The following ASXL3 variants were observed in gnomAD, a reference collection of about 807,000 sequenced individuals.
ASXL3 encodes the protein putative Polycomb group protein ASXL3.
ASXL3 carries 34 observed loss-of-function variants against 170.6 expected under a neutral mutation model. That is an observed-to-expected ratio of 0.20 (90% CI 0.15 to 0.27). The LOEUF (loss-of-function observed/expected upper bound fraction) is 0.27. ASXL3 is among the 10% of genes least tolerant of loss of function. The probability of loss-of-function intolerance (pLI) is 1.00; values close to 1 mark genes in which losing one functional copy is unlikely to be tolerated. For synonymous variants in ASXL3, 1,002 were observed against 989.1 expected (o/e 1.01, Z -0.24); for missense variants, 2,592 against 2,695.3 (o/e 0.96, Z 0.85).
At position 33,744,907 on chromosome 18, in the gene ASXL3, C is replaced by T. The variant is rs1168031356; in HGVS notation, c.5059C>T (p.Pro1687Ser). The T allele has an allele frequency of 6.2e-7, 1 of 1,613,876 alleles. No homozygotes were observed. The highest frequency in any genetic ancestry group is 8.5e-7 in the Non-Finnish European group (1 of 1,179,900). Residue 1687 changes from proline (P) to serine (S), a missense_variant, in exon 12 of 12, where the codon CCT becomes TCT. By Grantham distance (74) the Pro-to-Ser change is moderately conservative. Transcript: ENST00000269197. ...CTTTAGAATGGACACTGAAGACTTC[C>T]CTGGCCCTGAGCTGCCTCCTCCGGC... is the stretch of plus-strand genomic sequence containing the variant. ...KGFRMDTEDFPGPELPPPAAE... is the reference protein window; with the variant it reads ...KGFRMDTEDFSGPELPPPAAE...
intron 1 of ASXL3, among the ~76,000 whole-genome samples, chr18:33,586,086 A>G (rs889565099): frequency 1.2e-4 from 18 of 152,196 alleles, no homozygotes; most frequent in African/African-American, 4.3e-4. Context: ...ACTATTAACC[A>G]TAATGTATTA....
chr18:33,683,547 G>C lies in ASXL3; in HGVS notation c.858G>C (p.Leu286Phe), dbSNP rs762756308. 1 of 1,612,588 alleles carries C rather than the reference G, an allele frequency of 6.2e-7. No homozygotes were observed. The highest frequency in any genetic ancestry group is 8.5e-7 in the Non-Finnish European group (1 of 1,179,306). The change falls in exon 8 of 12, where the codon TTG becomes TTC. Residue 286 changes from leucine (L) to phenylalanine (F), a missense_variant. By Grantham distance (22) the Leu-to-Phe change is conservative. This residue lies in a region of ASXL3 where 73 missense variants were observed against 142.7 expected (regional missense o/e 0.51). Coordinates refer to ENST00000269197, the MANE Select transcript of ASXL3 (RefSeq NM_030632.3). ...PQHFQQYLLL[L>F]LPEVDRQMGS... Reference sequence around the variant, plus strand: ...ATTTTCAACAATACCTCCTGCTTTTGCTCCCAGAAGTGGATAGGCAGGTAA... The same window carrying C: ...ATTTTCAACAATACCTCCTGCTTTTCCTCCCAGAAGTGGATAGGCAGGTAA...
intron 4 of ASXL3, chr18:33,649,652 A>G (rs2065967283): frequency 6.6e-6 from 1 of 152,288 alleles, no homozygotes; most frequent in Admixed American, 6.6e-5. Context: ...AATGTAAATG[A>G]TGAAGCAAGA....
intron 9 of ASXL3, among the ~76,000 whole-genome samples, chr18:33,734,039 C>G (rs114796033): frequency 2.0e-3 from 311 of 152,206 alleles, no homozygotes; most frequent in African/African-American, 6.8e-3. Context: ...AATACATTTG[C>G]TAAATGCTTT....
At chr18:33,594,032 T>A (rs980421222) in intron 1 of ASXL3, among the ~76,000 whole-genome samples, 1 of 152,238 alleles carries the variant, frequency 6.6e-6, no homozygotes, top group Admixed American at 6.5e-5. Context: ...GGCATAGTTA[T>A]CTTTTAAACC....
chr18:33,664,690 T>C (rs1241618065), intron 5 of ASXL3, among the ~76,000 whole-genome samples: 1 of 152,220 alleles, frequency 6.6e-6, no homozygotes, highest in Non-Finnish European at 1.5e-5. Context: ...TGAAGGCCTG[T>C]ACTTTCTACC....
chr18:33,652,124 A>G (rs752730696), intron 4 of ASXL3, among the ~76,000 whole-genome samples: 15 of 152,066 alleles, frequency 9.9e-5, no homozygotes, highest in Admixed American at 3.3e-4. Context: ...ATTTATGCCT[A>G]TGTAAGTATA....
chr18:33,691,566 A>T (rs1191843887), intron 8 of ASXL3, among the ~76,000 whole-genome samples: 1 of 152,162 alleles, frequency 6.6e-6, no homozygotes, highest in Non-Finnish European at 1.5e-5. Context: ...CCTACAATTC[A>T]CCAGACTCTG....
At chr18:33,617,035 T>A (rs1233063908) in intron 2 of ASXL3, among the ~76,000 whole-genome samples, 1 of 152,190 alleles carries the variant, frequency 6.6e-6, no homozygotes, top group Non-Finnish European at 1.5e-5. Context: ...ATTCATAGTA[T>A]AACATAAGAA....
chr18:33,667,440 C>T (rs983106337), intron 5 of ASXL3, among the ~76,000 whole-genome samples: 4 of 152,174 alleles, frequency 2.6e-5, no homozygotes, highest in Admixed American at 6.5e-5. Flanking sequence ...TTTATAAAGC[C>T]TTGGCAACCA....
intron 1 of ASXL3, among the ~76,000 whole-genome samples, chr18:33,585,075 T>A (rs2065025099): frequency 6.6e-6 from 1 of 152,064 alleles, no homozygotes; most frequent in African/African-American, 2.4e-5. Context: ...ACATATGTAT[T>A]CTCCTCCCTC....
At chr18:33,707,426 T>TATCAA (rs1460250081) in intron 8 of ASXL3, among the ~76,000 whole-genome samples, 1 of 151,984 alleles carries the variant, frequency 6.6e-6, no homozygotes, top group African/African-American at 2.4e-5. Flanking sequence ...GGAAAGGTAG[T>TATCAA]ACATCATTTG....
intron 8 of ASXL3, among the ~76,000 whole-genome samples, chr18:33,687,430 C>T (rs1329006104): frequency 6.6e-6 from 1 of 152,122 alleles, no homozygotes; most frequent in Admixed American, 6.5e-5. Flanking sequence ...ATGTGAAATA[C>T]CTAAAATTTC....
chr18:33,597,094 C>T lies in ASXL3; in HGVS notation c.55-10500C>T, dbSNP rs371838949. Among the ~76,000 whole-genome samples, 257 of 152,264 alleles carry T rather than the reference C, an allele frequency of 1.7e-3. 1 individual carries two copies. Among genetic ancestry groups the T allele is most frequent in the African/African-American group, 4.6e-3 (192 of 41,558 alleles). ...CCTCCCAGTGTGCTAGGATTACAGA[C>T]GTGACCCACTGCGCCTAGCCTTGAG... is the stretch of plus-strand genomic sequence containing the variant. On this transcript the variant is annotated intron_variant, in intron 1 of 11. Transcript: ENST00000269197.
At position 33,646,186 on chromosome 18, in the gene ASXL3, A is replaced by G. The variant is rs887453037; in HGVS notation, c.247-59A>G. 8 of 1,308,090 alleles carry G rather than the reference A, an allele frequency of 6.1e-6. No individual in the cohort carries two copies. In the South Asian group the frequency reaches 9.8e-5, roughly 16 times the overall value. The allele number at this position is 1,308,090 out of a possible 1,614,324, so 81.0% of individuals were successfully genotyped here. A position where few individuals can be genotyped will look rare whatever the true frequency, so the allele number is the denominator to read the frequency against. On this transcript the variant is annotated intron_variant, in intron 3 of 11. Coordinates refer to ENST00000269197, the MANE Select transcript of ASXL3 (RefSeq NM_030632.3). ...ACTGTAGGATTCTGCAAGTATTTTGAATGTTTTTAGTTGCTAATACATCTT... is the reference window on the plus strand; with the variant it reads ...ACTGTAGGATTCTGCAAGTATTTTGGATGTTTTTAGTTGCTAATACATCTT...
intron 11 of ASXL3, among the ~76,000 whole-genome samples, chr18:33,741,841 C>T (rs1400160741): frequency 6.6e-6 from 1 of 152,194 alleles, no homozygotes; most frequent in Admixed American, 6.5e-5. Context: ...GTTTCCTCAA[C>T]TGTGAAATGA....
chr18:33,672,424 A>AT (rs2066358566), intron 7 of ASXL3, among the ~76,000 whole-genome samples: 4 of 152,316 alleles, frequency 2.6e-5, no homozygotes, highest in African/African-American at 9.6e-5. Flanking sequence ...GTTTTCTTCA[A>AT]CATACTTCTT....
Position 33,743,386 on chromosome 18 carries a change from A to T in ASXL3, c.3538A>T (p.Thr1180Ser). 6.2e-7 allele frequency: 1 copy of T among 1,613,314 alleles called. No homozygotes were observed. The highest frequency in any genetic ancestry group is 8.5e-7 in the Non-Finnish European group (1 of 1,179,852). Residue 1180 changes from threonine (T) to serine (S), a missense_variant, in exon 12 of 12, where the codon ACT becomes TCT. Thr to Ser is a moderately conservative substitution (Grantham distance 58). This residue lies in a region of ASXL3 where 2,246 missense variants were observed against 2,219.6 expected (regional missense o/e 1.01). Coordinates refer to ENST00000269197, the MANE Select transcript of ASXL3 (RefSeq NM_030632.3). ...GTCTGCCCACCTCCGGGAGACCACC[A>T]CTGTACTACAGCAGTCTCTTAACCC... is the stretch of plus-strand genomic sequence containing the variant. ...NKSAHLRETT[T>S]VLQQSLNPSK...
chr18:33,657,780 A>T (rs184018660), intron 4 of ASXL3, among the ~76,000 whole-genome samples: 105 of 152,274 alleles, frequency 6.9e-4, no homozygotes, highest in African/African-American at 2.4e-3. Context: ...ATTGAGAGGC[A>T]AATTTAAAAT....
Sources: allele counts gnomAD v4.1 joint callset (sites outside exome capture counted in the v4.1 genomes callset), GRCh38; gene constraint gnomAD v4.1.1; regional missense constraint gnomAD v4.1.1; transcripts MANE v1.5; gene names NCBI Gene and HGNC (gene_info 2026-07-23, HGNC 2026-07-21).